The following EMC8 variants were observed in gnomAD, a reference collection of about 807,000 sequenced individuals.
EMC8 encodes ER membrane protein complex subunit 8.
A neutral mutation model predicts 24.3 loss-of-function variants in EMC8; 11 were observed. That is an observed-to-expected ratio of 0.45 (90% CI 0.28 to 0.75). The LOEUF is 0.75. EMC8 is among the 30% of genes least tolerant of loss of function. EMC8 has a pLI of 0.12. For missense variants in EMC8, 277 were observed against 282.7 expected (o/e 0.98, Z 0.14); for synonymous variants, 145 against 117.7 (o/e 1.23, Z -1.50).
At chr16:85,790,066 C>T (rs1597205940) in intron 1 of EMC8, among the ~76,000 whole-genome samples, 1 of 152,244 alleles carries the variant, frequency 6.6e-6, no homozygotes, top group East Asian at 1.9e-4. Flanking sequence ...AAAAGCTCAT[C>T]CTGTTTTGGC....
rs751963212 is a variant in EMC8, at chr16:85,780,420, G to A, written c.432C>T (p.Tyr144=). The A allele has an allele frequency of 1.4e-5, 22 of 1,614,170 alleles. No homozygotes were observed. The highest frequency in any genetic ancestry group is 6.7e-5 in the Admixed American group (4 of 60,034). Residue 144 remains tyrosine (Y), a synonymous_variant, in exon 4 of 5, where the codon TAC becomes TAT. Coordinates refer to ENST00000253457, the MANE Select transcript of EMC8 (RefSeq NM_006067.5). Reference sequence around the variant, plus strand: ...ACCGCCATCTGTTCTCATGGTGCTCGTACACGTGGATCGTAGGCGCTACGC... The same window carrying A: ...ACCGCCATCTGTTCTCATGGTGCTCATACACGTGGATCGTAGGCGCTACGC... ...MDCVAPTIHV[Y]EHHENRWRCR...
intron 1 of EMC8, 179 bp downstream of exon 1, chr16:85,798,886 C>G (rs1005763014): frequency 5.4e-6 from 3 of 554,570 alleles, no homozygotes; most frequent in African/African-American, 3.8e-5. Flanking sequence ...CTACGGGACG[C>G]TATTTATTCA....
chr16:85,793,860 C>G (rs948118198), intron 1 of EMC8, among the ~76,000 whole-genome samples: 1 of 152,134 alleles, frequency 6.6e-6, no homozygotes, highest in Non-Finnish European at 1.5e-5. Flanking sequence ...TCCTTCACTA[C>G]CTACGTCAAA....
chr16:85,781,203 C>G lies in EMC8; in HGVS notation c.378+8G>C. ...GGGCCTCCCACATGCTGCACAGAAGCGACTTACCATGATGAGCGCAGTGTC... is the reference window on the plus strand; with the variant it reads ...GGGCCTCCCACATGCTGCACAGAAGGGACTTACCATGATGAGCGCAGTGTC... On this transcript the variant is annotated splice_region_variant and intron_variant, in intron 3 of 4. Coordinates refer to ENST00000253457, the MANE Select transcript of EMC8 (RefSeq NM_006067.5). 1 of 1,611,060 alleles carries G rather than the reference C, an allele frequency of 6.2e-7. No individual in the cohort carries two copies. The highest frequency in any genetic ancestry group is 1.1e-5 in the South Asian group (1 of 90,982).
At chr16:85,779,982 G>A in intron 4 of EMC8, 115 bp from the exon 5 acceptor site, 1 of 813,850 alleles carries the variant, frequency 1.2e-6, no homozygotes, top group South Asian at 1.6e-5. Context: ...ATGGTGCAGA[G>A]TACTGAGAAA....
At chr16:85,791,702 C>T (rs1337378799) in intron 1 of EMC8, among the ~76,000 whole-genome samples, 1 of 152,194 alleles carries the variant, frequency 6.6e-6, no homozygotes, top group Non-Finnish European at 1.5e-5. Context: ...TTTTCCTTGC[C>T]TTTTCCAGCA....
chr16:85,796,646 T>A (rs1905251813), intron 1 of EMC8, among the ~76,000 whole-genome samples: 1 of 152,076 alleles, frequency 6.6e-6, no homozygotes, highest in African/African-American at 2.4e-5. Context: ...CTCCATCCTA[T>A]TGCTCTCTCC....
At chr16:85,785,475 C>T (rs889158583) in intron 2 of EMC8, among the ~76,000 whole-genome samples, 16 of 152,074 alleles carry the variant, frequency 1.1e-4, no homozygotes, top group African/African-American at 3.6e-4. Flanking sequence ...GAGCCTGAGA[C>T]AGCAGAATAC....
At chr16:85,788,951 C>T in intron 2 of EMC8, 23 bp downstream of exon 2, 1 of 1,581,684 alleles carries the variant, frequency 6.3e-7, no homozygotes, top group Non-Finnish European at 8.7e-7. Context: ...TCCTCGCCCA[C>T]AGAGGGTTCT....
In EMC8 at chr16:85,799,104, G is replaced by C. The variant is rs924410712; in HGVS notation, c.192C>G (p.Thr64=). The C allele has an allele frequency of 1.3e-6, 2 of 1,576,968 alleles. No homozygotes were observed. The highest frequency in any genetic ancestry group is 1.8e-5 in the Admixed American group (1 of 54,118). Residue 64 remains threonine, a synonymous_variant, in exon 1 of 5, where the codon ACC becomes ACG. Coordinates refer to ENST00000253457, the MANE Select transcript of EMC8 (RefSeq NM_006067.5). The surrounding 1 kb of genome is among the most constrained non-coding windows in gnomAD (Gnocchi z 4.2). ...FVDCIPLFHG[T]LALAPMLEVA... is the part of the protein sequence containing the mutation. Reference sequence around the variant, plus strand: ...CCTCCAGCATGGGGGCGAGGGCCAGGGTGCCGTGGAAGAGGGGGATGCAGT... The same window carrying C: ...CCTCCAGCATGGGGGCGAGGGCCAGCGTGCCGTGGAAGAGGGGGATGCAGT...
At chr16:85,786,306 G>A (rs1221832348) in intron 2 of EMC8, among the ~76,000 whole-genome samples, 2 of 152,216 alleles carry the variant, frequency 1.3e-5, no homozygotes, top group Non-Finnish European at 2.9e-5. Context: ...AATAAGAAGA[G>A]CAAATTTTCA....
At chr16:85,780,145 G>A in intron 4 of EMC8, 1 of 602,044 alleles carries the variant, frequency 1.7e-6, no homozygotes, top group South Asian at 2.0e-5. Flanking sequence ...GCACAGGCCT[G>A]GGAAGAGTGT....
In EMC8 at chr16:85,780,679, T is replaced by G. The variant is rs1366593900; in HGVS notation, c.379-206A>C. ...AGGAAAACGTCAAGTCCTTCATTGT[T>G]TTTTCACAAAAGCGAAGCTTCCAAA... On this transcript the variant is annotated intron_variant, in intron 3 of 4. Coordinates refer to ENST00000253457, the MANE Select transcript of EMC8 (RefSeq NM_006067.5). 9 of 581,194 alleles carry G rather than the reference T, an allele frequency of 1.5e-5. No homozygotes were observed. The Admixed American group carries it at 2.7e-4, about 17-fold the overall frequency. The allele number at this position is 581,194 out of a possible 1,614,324, so 36.0% of individuals were successfully genotyped here. A position where few individuals can be genotyped will look rare whatever the true frequency, so the allele number is the denominator to read the frequency against.
Position 85,781,417 on chromosome 16 carries a change from C to T in EMC8, c.309-137G>A, listed in dbSNP as rs11860981. 2.3e-5 allele frequency: 15 copies of T among 652,654 alleles called. 1 individual carries two copies. Among genetic ancestry groups the T allele is most frequent in the South Asian group, 5.1e-5 (3 of 59,278 alleles). The allele number at this position is 652,654 out of a possible 1,614,324, so 40.4% of individuals were successfully genotyped here. On this transcript the variant is annotated intron_variant, in intron 2 of 4. Transcript: ENST00000253457. The stretch of plus-strand genomic sequence containing the variant: ...GCCAACAGGCTGCACGTGCTCGCTT[C>T]GCTGGTTTACTTATTATTTAATTTT...
intron 1 of EMC8, among the ~76,000 whole-genome samples, chr16:85,793,188 C>A (rs541902026): frequency 4.7e-4 from 71 of 152,310 alleles, no homozygotes; most frequent in South Asian, 1.0e-3. Flanking sequence ...CTTCTCACAG[C>A]AGCCTTGCTA....
At chr16:85,786,970 A>G (rs950737434) in intron 2 of EMC8, among the ~76,000 whole-genome samples, 2 of 151,750 alleles carry the variant, frequency 1.3e-5, no homozygotes, top group African/African-American at 4.8e-5. Flanking sequence ...CTCATCTGAC[A>G]ACCTGGTGCC....
chr16:85,788,715 T>C (rs747927872), intron 2 of EMC8, among the ~76,000 whole-genome samples: 3 of 152,256 alleles, frequency 2.0e-5, no homozygotes, highest in Admixed American at 6.5e-5. Context: ...GGAAGCCAAC[T>C]GTCGCTTTCA....
intron 1 of EMC8, 136 bp downstream of exon 1, chr16:85,798,929 C>A: frequency 1.6e-6 from 1 of 622,596 alleles, no homozygotes; most frequent in South Asian, 2.0e-5. Context: ...GTGGATCACC[C>A]CATTCCTGGC....
chr16:85,798,066 C>G (rs1319844712), intron 1 of EMC8, among the ~76,000 whole-genome samples: 1 of 148,634 alleles, frequency 6.7e-6, no homozygotes, highest in Non-Finnish European at 1.5e-5. Context: ...AACATAAAAG[C>G]GTGTTGGACA....
Sources: allele counts gnomAD v4.1 joint callset (sites outside exome capture counted in the v4.1 genomes callset), GRCh38; gene constraint gnomAD v4.1.1; non-coding constraint Gnocchi (gnomAD v3.1); transcripts MANE v1.5; gene names NCBI Gene and HGNC (gene_info 2026-07-23, HGNC 2026-07-21).